The following DCAF8L2 variants were observed in gnomAD, a reference collection of about 807,000 sequenced individuals.
DCAF8L2 encodes the protein DDB1- and CUL4-associated factor 8-like protein 2.
For synonymous variants in DCAF8L2, 200 were observed against 190.9 expected, an observed-to-expected ratio of 1.05 and a Z score of -0.39; for missense variants, 430 against 490.7, an observed-to-expected ratio of 0.88 and a Z score of 1.17.
chrX:27,640,995 T>C (rs963969013), intron 2 of DCAF8L2, among the ~76,000 whole-genome samples: 13 of 111,830 alleles, frequency 1.2e-4, no homozygotes, highest in African/African-American at 4.2e-4. Context: ...GGCTTGAAAA[T>C]AGTACAATTT....
the DCAF8L2 span, among the ~76,000 whole-genome samples, chrX:27,577,116 C>A: frequency 1.8e-5 from 2 of 112,049 alleles, no homozygotes; most frequent in African/African-American, 6.5e-5. Context: ...GAATACTGAT[C>A]TATTAATTTG....
intron 1 of DCAF8L2, among the ~76,000 whole-genome samples, chrX:27,625,353 C>A (rs1429654152): frequency 9.0e-6 from 1 of 111,659 alleles, no homozygotes; most frequent in African/African-American, 3.3e-5. Context: ...ATAACAGATG[C>A]TGGTGAGGTT....
intron 1 of DCAF8L2, among the ~76,000 whole-genome samples, chrX:27,613,836 T>C (rs767372954): frequency 1.5e-4 from 17 of 111,455 alleles, no homozygotes; most frequent in Non-Finnish European, 3.2e-4. Context: ...TTTTGATGTG[T>C]TGCTGGATTC....
At chrX:27,493,941 T>C in the DCAF8L2 span, among the ~76,000 whole-genome samples, 1 of 111,085 alleles carries the variant, frequency 9.0e-6, no homozygotes, top group Non-Finnish European at 1.9e-5. Context: ...ATAATTTTGT[T>C]CCTTTCTAAT....
intron 4 of DCAF8L2, among the ~76,000 whole-genome samples, chrX:27,721,441 C>A (rs1931897991): frequency 9.0e-6 from 1 of 111,329 alleles, no homozygotes; most frequent in Non-Finnish European, 1.9e-5. Flanking sequence ...CGTAGAACTA[C>A]AAAATACTAA....
chrX:27,539,100 T>A, the DCAF8L2 span, among the ~76,000 whole-genome samples: 1 of 110,568 alleles, frequency 9.0e-6, no homozygotes, highest in Non-Finnish European at 1.9e-5. Flanking sequence ...CCTCCCGCCT[T>A]GGCCTCCCAA....
the DCAF8L2 span, among the ~76,000 whole-genome samples, chrX:27,560,589 G>T: frequency 1.8e-5 from 2 of 111,626 alleles, no homozygotes; most frequent in Admixed American, 1.9e-4. Context: ...CTCTATCCCG[G>T]ATGCACCACT....
At chrX:27,675,985 GTT>G (rs1170905585) in intron 2 of DCAF8L2, among the ~76,000 whole-genome samples, 5 of 112,146 alleles carry the variant, frequency 4.5e-5, no homozygotes, top group Admixed American at 1.9e-4. Context: ...AGTACCTTAA[GTT>G]TTGGTTTAAT....
chrX:27,564,269 C>T, the DCAF8L2 span, among the ~76,000 whole-genome samples: 4 of 110,691 alleles, frequency 3.6e-5, no homozygotes, highest in African/African-American at 1.3e-4. Context: ...ACGAGAAAAG[C>T]AGCATGGGGA....
chrX:27,549,863 C>T, the DCAF8L2 span, among the ~76,000 whole-genome samples: 1 of 111,492 alleles, frequency 9.0e-6, no homozygotes. Context: ...AGAAAGCTGC[C>T]TCACCCAAGG....
At chrX:27,723,649 A>G (rs1195856937) in intron 4 of DCAF8L2, among the ~76,000 whole-genome samples, 1 of 111,220 alleles carries the variant, frequency 9.0e-6, no homozygotes, top group Non-Finnish European at 1.9e-5. Context: ...CCTATCCAGG[A>G]CAATCTGCCA....
chrX:27,482,342 G>A, the DCAF8L2 span, among the ~76,000 whole-genome samples: 1 of 111,539 alleles, frequency 9.0e-6, no homozygotes, highest in Non-Finnish European at 1.9e-5. Context: ...TGAGTCAAAT[G>A]CTAATTCCAA....
intron 3 of DCAF8L2, among the ~76,000 whole-genome samples, chrX:27,696,336 GAA>G (rs1930924494): frequency 1.0e-5 from 1 of 100,162 alleles, no homozygotes; most frequent in Non-Finnish European, 2.1e-5. Context: ...GAAAGAAAAA[GAA>G]AGAAAGAGAA....
the DCAF8L2 span, among the ~76,000 whole-genome samples, chrX:27,564,353 C>T: frequency 9.0e-6 from 1 of 111,466 alleles, no homozygotes; most frequent in Non-Finnish European, 1.9e-5. Context: ...AACTACAATT[C>T]AAGGTGAGAT....
chrX:27,680,131 C>A (rs1031222755), intron 3 of DCAF8L2, among the ~76,000 whole-genome samples: 2 of 111,445 alleles, frequency 1.8e-5, no homozygotes, highest in Non-Finnish European at 3.8e-5. Flanking sequence ...TTCCTAGATC[C>A]TACTGCAAAA....
At chrX:27,702,319 A>C (rs2147269142) in intron 3 of DCAF8L2, among the ~76,000 whole-genome samples, 1 of 110,375 alleles carries the variant, frequency 9.1e-6, no homozygotes, top group East Asian at 2.8e-4. Flanking sequence ...TCTTTGAAAA[A>C]AAAAATAGAA....
At chrX:27,746,193 A>C (rs1922153400) in intron 4 of DCAF8L2, among the ~76,000 whole-genome samples, 1 of 112,158 alleles carries the variant, frequency 8.9e-6, no homozygotes, top group Admixed American at 9.5e-5. Context: ...CAGATAAATA[A>C]TAAATAAAAT....
At chrX:27,481,916 T>TA in the DCAF8L2 span, among the ~76,000 whole-genome samples, 1 of 111,902 alleles carries the variant, frequency 8.9e-6, no homozygotes, top group African/African-American at 3.2e-5. Flanking sequence ...GGTGATCAAC[T>TA]AGCAAAGAGT....
At chrX:27,566,218 G>A in the DCAF8L2 span, among the ~76,000 whole-genome samples, 1 of 109,760 alleles carries the variant, frequency 9.1e-6, no homozygotes, top group African/African-American at 3.3e-5. Flanking sequence ...AAACTTATTG[G>A]TTACAACAAA....
Sources: gnomAD v4.1 joint callset for allele counts (sites outside exome capture counted in the v4.1 genomes callset) on GRCh38, gnomAD v4.1.1 for gene constraint, MANE v1.5 for transcripts, NCBI Gene and HGNC (gene_info 2026-07-23, HGNC 2026-07-21) for gene names.